AGFG1: variants seen among roughly 807,000 people sequenced by gnomAD.
The protein encoded by AGFG1 is arf-GAP domain and FG repeat-containing protein 1.
A neutral mutation model predicts 60.6 loss-of-function variants in AGFG1; 10 were observed. The ratio of observed to expected loss-of-function variants is 0.16; its 90% CI spans 0.10 to 0.28. The LOEUF is 0.28. AGFG1 is among the 10% of genes least tolerant of loss of function. The pLI, the probability that AGFG1 is intolerant of heterozygous loss-of-function variation, is 1.00. For synonymous variants in AGFG1, 247 were observed against 242.9 expected, an observed-to-expected ratio of 1.02 and a Z score of -0.16; for missense variants, 537 against 676.5, an observed-to-expected ratio of 0.79 and a Z score of 2.29.
chr2:227,518,516 CTT>C (rs1222543055), intron 2 of AGFG1, among the ~76,000 whole-genome samples: 48 of 102,326 alleles, frequency 4.7e-4, no homozygotes, highest in African/African-American at 1.2e-3. Flanking sequence ...GTCTCAGTGT[CTT>C]TTTTTTTTTT....
At chr2:227,514,637 A>G (rs1461691219) in intron 2 of AGFG1, among the ~76,000 whole-genome samples, 1 of 152,242 alleles carries the variant, frequency 6.6e-6, no homozygotes, top group South Asian at 2.1e-4. Flanking sequence ...GTCAAATAGC[A>G]GCATACAGAG....
chr2:227,526,329 G>T (rs1691991119), intron 5 of AGFG1, among the ~76,000 whole-genome samples: 1 of 152,040 alleles, frequency 6.6e-6, no homozygotes. Flanking sequence ...AGGTAGCTGG[G>T]ATTACAAGCG....
intron 8 of AGFG1, among the ~76,000 whole-genome samples, chr2:227,535,910 G>C (rs1349911060): frequency 3.3e-5 from 5 of 152,202 alleles, no homozygotes; most frequent in African/African-American, 1.2e-4. Context: ...CATGGGGTCT[G>C]TGAGGTTAAA....
chr2:227,507,337 A>G (rs1384482007), intron 2 of AGFG1, among the ~76,000 whole-genome samples: 1 of 152,180 alleles, frequency 6.6e-6, no homozygotes, highest in Admixed American at 6.5e-5. Flanking sequence ...TACAAAAATT[A>G]CAACAGTAAT....
intron 1 of AGFG1, among the ~76,000 whole-genome samples, chr2:227,478,167 C>T (rs2106152236): frequency 6.6e-6 from 1 of 151,242 alleles, no homozygotes; most frequent in African/African-American, 2.4e-5. Flanking sequence ...CTAATTAGAA[C>T]CCCTCATTGT....
chr2:227,526,334 C>T (rs1691991268), intron 5 of AGFG1, among the ~76,000 whole-genome samples: 1 of 152,064 alleles, frequency 6.6e-6, no homozygotes, highest in Non-Finnish European at 1.5e-5. Context: ...GCTGGGATTA[C>T]AAGCGTGTGC....
Position 227,493,280 on chromosome 2 carries a change from A to G in AGFG1, c.261+1640A>G, listed in dbSNP as rs1038753128. Among the ~76,000 whole-genome samples, 9 of 152,222 alleles carry G rather than the reference A, an allele frequency of 5.9e-5. 1 individual carries two copies. The South Asian group carries it at 6.2e-4, about 10-fold the overall frequency. On this transcript the variant is annotated intron_variant, in intron 2 of 12. Transcript: ENST00000310078. ...GATCTCTAGAAATTAATCATCTTGTATAACTGAAACTTTATACCAGTTGAA... is the reference window on the plus strand; with the variant it reads ...GATCTCTAGAAATTAATCATCTTGTGTAACTGAAACTTTATACCAGTTGAA...
chr2:227,518,836 A>T (rs1158085957), intron 2 of AGFG1, among the ~76,000 whole-genome samples: 1 of 152,030 alleles, frequency 6.6e-6, no homozygotes, highest in Non-Finnish European at 1.5e-5. Flanking sequence ...TGGGCTGCTG[A>T]TATCTTTGGT....
chr2:227,530,962 A>C, intron 5 of AGFG1, 129 bp from the exon 6 acceptor site: 1 of 868,310 alleles, frequency 1.2e-6, no homozygotes, highest in Non-Finnish European at 1.7e-6. Context: ...TCTGATTGCT[A>C]AGTGAATTCT....
intron 2 of AGFG1, among the ~76,000 whole-genome samples, chr2:227,498,689 G>A (rs1691056273): frequency 6.6e-6 from 1 of 152,204 alleles, no homozygotes; most frequent in Non-Finnish European, 1.5e-5. Context: ...ACATGTCTTT[G>A]TGTTGAACAT....
Position 227,551,989 on chromosome 2 carries a change from T to C in AGFG1, c.1409T>C (p.Met470Thr). ...ACCTTTGGCACTGCATCCATGAGCA[T>C]GCCCACAGGATTCGGCACTCCTGCT... ...AATFGTASMS[M>T]PTGFGTPAPY... Residue 470 changes from methionine (M) to threonine (T), a missense_variant, in exon 11 of 13, where the codon ATG (methionine) becomes ACG (threonine). Physicochemically the swap from Met to Thr is moderately conservative, Grantham distance 81. Coordinates refer to ENST00000310078, the MANE Select transcript of AGFG1 (RefSeq NM_004504.5). 1 of 1,614,188 alleles carries C rather than the reference T, an allele frequency of 6.2e-7. No individual in the cohort carries two copies. Among genetic ancestry groups the C allele is most frequent in the Non-Finnish European group, 8.5e-7 (1 of 1,180,026 alleles).
intron 11 of AGFG1, among the ~76,000 whole-genome samples, chr2:227,553,495 CAAA>C (rs5839218): frequency 1.7e-5 from 2 of 120,244 alleles, no homozygotes; most frequent in African/African-American, 3.3e-5. Flanking sequence ...GATCATGTCT[CAAA>C]AAAAAAAAAA....
intron 6 of AGFG1, 97 bp downstream of exon 6, chr2:227,531,307 AT>A: frequency 7.3e-7 from 1 of 1,365,142 alleles, no homozygotes; most frequent in Non-Finnish European, 9.9e-7. Flanking sequence ...AAATTCTGTA[AT>A]TATCTGACTT....
At chr2:227,554,060 A>G (rs1692899180) in intron 12 of AGFG1, among the ~76,000 whole-genome samples, 1 of 152,220 alleles carries the variant, frequency 6.6e-6, no homozygotes, top group African/African-American at 2.4e-5. Flanking sequence ...ATTTTATAAT[A>G]TGAAACTTAT....
chr2:227,517,269 T>G (rs1691679728), intron 2 of AGFG1, among the ~76,000 whole-genome samples: 2 of 151,946 alleles, frequency 1.3e-5, no homozygotes, highest in Non-Finnish European at 2.9e-5. Context: ...ACAAGAAATA[T>G]ATATATAGAC....
At chr2:227,518,051 A>G (rs1262694279) in intron 2 of AGFG1, among the ~76,000 whole-genome samples, 1 of 152,220 alleles carries the variant, frequency 6.6e-6, no homozygotes, top group Non-Finnish European at 1.5e-5. Flanking sequence ...GAATGGAAAT[A>G]TGCAGTATAT....
intron 1 of AGFG1, among the ~76,000 whole-genome samples, chr2:227,474,275 A>G (rs1335826519): frequency 6.6e-6 from 1 of 152,250 alleles, no homozygotes; most frequent in Non-Finnish European, 1.5e-5. Context: ...GTTAAGATGT[A>G]TGTCCTGCTT....
At position 227,536,627 on chromosome 2, in the gene AGFG1, A is replaced by G. The variant is rs756824700; in HGVS notation, c.1208A>G (p.Asn403Ser). The G allele has an allele frequency of 1.2e-5, 19 of 1,612,544 alleles. No individual in the cohort carries two copies. Among genetic ancestry groups the G allele is most frequent in the East Asian group, 4.5e-5 (2 of 44,854 alleles). ...ACTCTTTCAATATTTGTTCTCAGCA[A>G]TGTTTTTGGAACAGTGCCAGTGGTT... is the stretch of plus-strand genomic sequence containing the variant. Reference protein sequence around the residue: ...AYTSTSNASSNVFGTVPVVAS... With the variant: ...AYTSTSNASSSVFGTVPVVAS... The change falls in exon 9 of 13, where the codon AAT (asparagine) becomes AGT (serine). Residue 403 changes from asparagine (N) to serine (S), a missense_variant and splice_region_variant. Asn to Ser is a conservative substitution (Grantham distance 46). Around this residue, in one of 4 missense-constraint regions of AGFG1, gnomAD observed 287 missense variants for 343.6 expected, o/e 0.84. Transcript: ENST00000310078.
In AGFG1 at chr2:227,556,265, A is replaced by G. The variant is rs1400832262; in HGVS notation, c.*1770A>G. 1 of 152,272 alleles carries G rather than the reference A, an allele frequency of 6.6e-6. No individual in the cohort carries two copies. Among genetic ancestry groups the G allele is most frequent in the Non-Finnish European group, 1.5e-5 (1 of 68,016 alleles). 9.4% of individuals were successfully genotyped at this position (152,272 alleles called of 1,614,324 possible). ...TTTTTGCAATGATGACTGAGTTGTT[A>G]TCATAGTATTTTAAAACCTGTATAG... On this transcript the variant is annotated 3_prime_UTR_variant, in exon 13 of 13. Coordinates refer to ENST00000310078, the MANE Select transcript of AGFG1 (RefSeq NM_004504.5).
Sources: gnomAD v4.1 joint callset for allele counts (sites outside exome capture counted in the v4.1 genomes callset) on GRCh38, gnomAD v4.1.1 for gene constraint, gnomAD v4.1.1 regional missense constraint, MANE v1.5 for transcripts, NCBI Gene and HGNC (gene_info 2026-07-23, HGNC 2026-07-21) for gene names.